Variants in NKD1 observed in about 807,000 individuals in gnomAD.
NKD1 encodes the protein NKD inhibitor of Wnt signaling pathway 1.
NKD1 carries 21 observed loss-of-function variants against 56.0 expected under a neutral mutation model. The ratio of observed to expected loss-of-function variants is 0.38; its 90% CI spans 0.27 to 0.54. The LOEUF (loss-of-function observed/expected upper bound fraction) is 0.54. Among genes scored for constraint, NKD1 ranks in the 20% least tolerant of loss-of-function variants. The probability of loss-of-function intolerance (pLI) is 0.82; values close to 1 mark genes in which losing one functional copy is unlikely to be tolerated. For synonymous variants in NKD1, 263 were observed against 265.7 expected, an observed-to-expected ratio of 0.99 and a Z score of 0.10; for missense variants, 578 against 642.7, an observed-to-expected ratio of 0.90 and a Z score of 1.09.
intron 3 of NKD1, among the ~76,000 whole-genome samples, chr16:50,578,611 A>G (rs556997991): frequency 6.6e-6 from 1 of 152,262 alleles, no homozygotes; most frequent in South Asian, 2.1e-4. Context: ...CCAGGTTCTG[A>G]TCAGATACCC....
At chr16:50,555,393 G>C (rs946966764) in intron 3 of NKD1, 2 of 152,460 alleles carry the variant, frequency 1.3e-5, no homozygotes, top group African/African-American at 4.8e-5. Context: ...ATGTTGGGTG[G>C]AGCAGGGCGG....
Position 50,609,794 on chromosome 16 carries a change from C to T in NKD1, c.259+1434C>T, listed in dbSNP as rs944712813. On this transcript the variant is annotated intron_variant, in intron 4 of 9. Transcript: ENST00000268459. ...AGAGCCAGGTATCTAGCAAACTTTACTCAAATGTAAGCAGGCCCCAGATCA... is the reference window on the plus strand; with the variant it reads ...AGAGCCAGGTATCTAGCAAACTTTATTCAAATGTAAGCAGGCCCCAGATCA... 2.0e-5 allele frequency among the ~76,000 whole-genome samples: 3 copies of T among 152,162 alleles called. No homozygotes were observed. The South Asian group carries it at 6.2e-4, about 31-fold the overall frequency.
intron 3 of NKD1, chr16:50,574,616 C>T (rs992411896): frequency 4.1e-6 from 4 of 985,224 alleles, no homozygotes; most frequent in African/African-American, 1.7e-5. Context: ...TGGCCTCCAG[C>T]GGGCAGGAGG....
At chr16:50,575,326 A>G (rs1960970513) in intron 3 of NKD1, 3 of 985,276 alleles carry the variant, frequency 3.0e-6, no homozygotes, top group African/African-American at 3.5e-5. Flanking sequence ...GTGGTTCACA[A>G]GTGTTTGCTT....
rs1465142872 is a variant in NKD1, at chr16:50,566,149, TTCTC to T, written c.192+16596_192+16599del. The T allele has an allele frequency of 8.1e-6, 8 of 985,240 alleles. No homozygotes were observed. In the African/African-American group the frequency reaches 1.4e-4, roughly 17 times the overall value. The allele number at this position is 985,240 out of a possible 1,614,324, so 61.0% of individuals were successfully genotyped here. A position where few individuals can be genotyped will look rare whatever the true frequency, so the allele number is the denominator to read the frequency against. On this transcript the variant is annotated intron_variant, in intron 3 of 9. Coordinates refer to ENST00000268459, the MANE Select transcript of NKD1 (RefSeq NM_033119.5). ...GCTTGTGGTTAAGTAGGTGTGAACT[TTCTC>T]TGTGGATCCGTTGGGACCTTTTGGA...
chr16:50,590,830 G>A (rs542275252), intron 3 of NKD1, among the ~76,000 whole-genome samples: 1 of 152,072 alleles, frequency 6.6e-6, no homozygotes, highest in Non-Finnish European at 1.5e-5. Context: ...TGTTGTTGTT[G>A]TTGTTGAGAT....
At chr16:50,559,019 G>A (rs1191350969) in intron 3 of NKD1, among the ~76,000 whole-genome samples, 1 of 152,244 alleles carries the variant, frequency 6.6e-6, no homozygotes, top group African/African-American at 2.4e-5. Flanking sequence ...CTTAGAACTT[G>A]CAGAATCAGA....
In NKD1 at chr16:50,633,311, C is replaced by T. The variant is rs777122269; in HGVS notation, c.943C>T (p.Pro315Ser). ...IPHRKPQGVD[P>S]ASFHFLDTPI... ...ACACCGAAAGCCCCAAGGCGTGGAC[C>T]CGGCCTCCTTCCACTTCCTTGACAC... The change falls in exon 10 of 10, where the codon CCG becomes TCG. Residue 315 changes from proline to serine, a missense_variant. Physicochemically the swap from Pro to Ser is moderately conservative, Grantham distance 74 (BLOSUM62 -1). Transcript: ENST00000268459. This position sits in a 1 kb window ranked among gnomAD's most constrained non-coding sequence, Gnocchi z 4.9. The T allele has an allele frequency of 1.2e-6, 2 of 1,614,170 alleles. No individual in the cohort carries two copies. The highest frequency in any genetic ancestry group is 1.1e-5 in the South Asian group (1 of 91,082).
At chr16:50,591,117 C>G (rs892069290) in intron 3 of NKD1, among the ~76,000 whole-genome samples, 4 of 152,194 alleles carry the variant, frequency 2.6e-5, no homozygotes, top group Non-Finnish European at 5.9e-5. Flanking sequence ...GTCACTGTGC[C>G]CGGCCAGAAT....
intron 5 of NKD1, among the ~76,000 whole-genome samples, chr16:50,624,427 AT>A (rs1962164190): frequency 6.6e-6 from 1 of 152,238 alleles, no homozygotes. Flanking sequence ...TGAAATAATT[AT>A]TTCAATGACT....
At chr16:50,576,490 T>C (rs1321728733) in intron 3 of NKD1, among the ~76,000 whole-genome samples, 1 of 152,154 alleles carries the variant, frequency 6.6e-6, no homozygotes, top group Non-Finnish European at 1.5e-5. Flanking sequence ...GTGCCTTTTG[T>C]TATGTTTCTG....
intron 3 of NKD1, among the ~76,000 whole-genome samples, chr16:50,561,506 C>T (rs1960632730): frequency 6.6e-6 from 1 of 152,104 alleles, no homozygotes; most frequent in Non-Finnish European, 1.5e-5. Flanking sequence ...CTCCATGTAG[C>T]ACAGTTAGGG....
In NKD1 at chr16:50,633,675, C is replaced by A; in HGVS notation, c.1307C>A (p.Pro436His). Residue 436 changes from proline (P) to histidine (H), a missense_variant, in exon 10 of 10, where the codon CCC (proline) becomes CAC (histidine). Pro to His is a moderately conservative substitution (Grantham distance 77, BLOSUM62 -2). Transcript: ENST00000268459. This position sits in a 1 kb window ranked among gnomAD's most constrained non-coding sequence, Gnocchi z 4.9. ...GGGCGGGAGCACCTGCGGGAGCTGCCCGCCTTGGTGGTGTATGAGAGCCAG... is the reference window on the plus strand; with the variant it reads ...GGGCGGGAGCACCTGCGGGAGCTGCACGCCTTGGTGGTGTATGAGAGCCAG... ...VLGREHLREL[P>H]ALVVYESQAG... 1 of 1,601,660 alleles carries A rather than the reference C, an allele frequency of 6.2e-7. No individual in the cohort carries two copies. Among genetic ancestry groups the A allele is most frequent in the East Asian group, 2.3e-5 (1 of 44,288 alleles).
At position 50,634,697 on chromosome 16, in the gene NKD1, A is replaced by G. The variant is rs752271206; in HGVS notation, c.*916A>G. The G allele has an allele frequency of 6.6e-6, 1 of 152,320 alleles. No individual in the cohort carries two copies. Among genetic ancestry groups the G allele is most frequent in the Non-Finnish European group, 1.5e-5 (1 of 68,036 alleles). The allele number at this position is 152,320 out of a possible 1,614,324, so 9.4% of individuals were successfully genotyped here. A position where few individuals can be genotyped will look rare whatever the true frequency, so the allele number is the denominator to read the frequency against. The stretch of plus-strand genomic sequence containing the variant: ...AGATGCCATCTGTCCATTTCTATGT[A>G]TCTTTCTATAAATATACACTCTCAG... On this transcript the variant is annotated 3_prime_UTR_variant, in exon 10 of 10. Coordinates refer to ENST00000268459, the MANE Select transcript of NKD1 (RefSeq NM_033119.5).
chr16:50,568,317 G>A (rs950693710), intron 3 of NKD1, among the ~76,000 whole-genome samples: 4 of 152,222 alleles, frequency 2.6e-5, no homozygotes, highest in African/African-American at 9.6e-5. Context: ...CCGCATATCA[G>A]AGAGGGGAAG....
At chr16:50,607,396 T>C (rs938083054) in intron 3 of NKD1, 38 of 162,706 alleles carry the variant, frequency 2.3e-4, no homozygotes, top group Admixed American at 2.2e-3. Context: ...TGTTTTTGTT[T>C]TTTTTCTCTT....
At chr16:50,621,360 TGGG>T (rs1431507462) in intron 4 of NKD1, among the ~76,000 whole-genome samples, 2 of 152,138 alleles carry the variant, frequency 1.3e-5, no homozygotes. Context: ...CATAGGCTGG[TGGG>T]GGCCTGAGGG....
chr16:50,558,930 AAAC>A (rs916123803), intron 3 of NKD1, among the ~76,000 whole-genome samples: 4 of 151,578 alleles, frequency 2.6e-5, no homozygotes, highest in East Asian at 3.9e-4. Context: ...ACAAACAAAC[AAAC>A]AACAAAACAA....
At chr16:50,611,051 C>G (rs1026819041) in intron 4 of NKD1, among the ~76,000 whole-genome samples, 12 of 152,198 alleles carry the variant, frequency 7.9e-5, no homozygotes, top group Non-Finnish European at 8.8e-5. Context: ...TCCCTGCCCC[C>G]ACAGCTGGGC....
Sources: allele counts gnomAD v4.1 joint callset (sites outside exome capture counted in the v4.1 genomes callset), GRCh38; gene constraint gnomAD v4.1.1; non-coding constraint Gnocchi (gnomAD v3.1); transcripts MANE v1.5; gene names NCBI Gene and HGNC (gene_info 2026-07-23, HGNC 2026-07-21).